CAST: variants seen among roughly 807,000 people sequenced by gnomAD.
The protein encoded by CAST is calpastatin.
In CAST, 76 loss-of-function variants were observed where a neutral mutation model predicts 119.6. The ratio of observed to expected loss-of-function variants is 0.64; its 90% CI spans 0.53 to 0.77. The LOEUF (loss-of-function observed/expected upper bound fraction) is 0.77. CAST is among the 30% of genes least tolerant of loss of function. The pLI, the probability that CAST is intolerant of heterozygous loss-of-function variation, is 0.00. For missense variants in CAST, 953 were observed against 946.5 expected (o/e 1.01, Z -0.09); for synonymous variants, 319 against 331.6 (o/e 0.96, Z 0.41).
At chr5:96,117,080 CTGGCTGCTGCTTTCCAA>C in the CAST span, among the ~76,000 whole-genome samples, 6 of 152,274 alleles carry the variant, frequency 3.9e-5, no homozygotes, top group Middle Eastern at 0.014. Flanking sequence ...GTGAGCAGCC[CTGGCTGCTGCTTTCCAA>C]TGGCTTCATT....
rs1191571063 is a variant in CAST at position 96,662,467 on chromosome 5, G to A, written c.45G>A (p.Arg15=). Reference sequence around the variant, plus strand: ...AGCCCGCCGCCTCCCCGCGGCCCCGGCGAGCAGCCGCCGCCCGCCGCACCC... The same window carrying A: ...AGCCCGCCGCCTCCCCGCGGCCCCGACGAGCAGCCGCCGCCCGCCGCACCC... ...GQKPAASPRP[R]RAAAARRTHE... Residue 15 remains arginine (R), a synonymous_variant, in exon 1 of 32, where the codon CGG becomes CGA. Coordinates refer to ENST00000675179, the MANE Select transcript of CAST (RefSeq NM_001750.7). 6 of 1,432,704 alleles carry A rather than the reference G, an allele frequency of 4.2e-6. No individual in the cohort carries two copies. The African/African-American group carries it at 8.9e-5, about 21-fold the overall frequency. 88.7% of individuals were successfully genotyped at this position (1,432,704 alleles called of 1,614,324 possible). A position where few individuals can be genotyped will look rare whatever the true frequency, so the allele number is the denominator to read the frequency against.
chr5:96,468,636 G>A, the CAST span, among the ~76,000 whole-genome samples: 1 of 152,068 alleles, frequency 6.6e-6, no homozygotes, highest in African/African-American at 2.4e-5. Flanking sequence ...AAATGCTGAA[G>A]ATTTCAAAAC....
At chr5:96,302,341 G>T in the CAST span, among the ~76,000 whole-genome samples, 2 of 152,122 alleles carry the variant, frequency 1.3e-5, no homozygotes, top group African/African-American at 2.4e-5. Flanking sequence ...GCTGCACAAA[G>T]GTCTCTGTAA....
At chr5:96,496,246 TACTC>T in the CAST span, among the ~76,000 whole-genome samples, 3 of 152,226 alleles carry the variant, frequency 2.0e-5, no homozygotes, top group African/African-American at 7.2e-5. Context: ...ATTTTGTTGT[TACTC>T]TATTATTTTC....
At chr5:96,497,553 C>G in the CAST span, among the ~76,000 whole-genome samples, 1 of 152,188 alleles carries the variant, frequency 6.6e-6, no homozygotes, top group East Asian at 1.9e-4. Flanking sequence ...GATTGCCATT[C>G]TAACTGGTGT....
chr5:96,114,858 G>A, the CAST span, among the ~76,000 whole-genome samples: 1 of 152,122 alleles, frequency 6.6e-6, no homozygotes, highest in Non-Finnish European at 1.5e-5. Flanking sequence ...GCTTTGCAAT[G>A]CTGTTTTCTC....
Position 96,754,155 on chromosome 5 carries a change from A to T in CAST, c.1620A>T (p.Lys540Asn), listed in dbSNP as rs148504138. Residue 540 changes from lysine (K) to asparagine (N), a missense_variant, in exon 21 of 32, where the codon AAA becomes AAT. Physicochemically the swap from Lys to Asn is moderately conservative, Grantham distance 94. Coordinates refer to ENST00000675179, the MANE Select transcript of CAST (RefSeq NM_001750.7). ...DPEDGKPVMD[K>N]VKEKAKEEDR... is the part of the protein sequence containing the mutation. ...AAGATGGAAAACCTGTGATGGATAAAGTCAAGGTAATGGCAACTGAGATGC... is the reference window on the plus strand; with the variant it reads ...AAGATGGAAAACCTGTGATGGATAATGTCAAGGTAATGGCAACTGAGATGC... The T allele has an allele frequency of 6.3e-7, 1 of 1,595,876 alleles. No homozygotes were observed. The highest frequency in any genetic ancestry group is 8.6e-7 in the Non-Finnish European group (1 of 1,163,294).
the CAST span, among the ~76,000 whole-genome samples, chr5:96,063,258 G>A: frequency 6.6e-6 from 1 of 152,090 alleles, no homozygotes; most frequent in Non-Finnish European, 1.5e-5. Context: ...TTAGCTGAAG[G>A]GACCCATTCA....
At chr5:96,294,394 G>A in the CAST span, among the ~76,000 whole-genome samples, 1 of 152,260 alleles carries the variant, frequency 6.6e-6, no homozygotes, top group Non-Finnish European at 1.5e-5. Context: ...TCTTTTCCTG[G>A]AATCCTATGA....
At chr5:96,160,916 A>C in the CAST span, among the ~76,000 whole-genome samples, 1 of 152,118 alleles carries the variant, frequency 6.6e-6, no homozygotes, top group Non-Finnish European at 1.5e-5. Context: ...TCTTTGGAGA[A>C]CTGCCTGTTA....
the CAST span, chr5:96,408,318 G>A: frequency 8.7e-6 from 14 of 1,613,004 alleles, no homozygotes; most frequent in South Asian, 1.1e-5. Context: ...GCAGGTCAGC[G>A]CTCGTCTGGA....
At chr5:96,400,857 G>T in the CAST span, among the ~76,000 whole-genome samples, 49,129 of 150,826 alleles carry the variant, frequency 0.33, 8,533 homozygotes, top group African/African-American at 0.48. Flanking sequence ...GGAGGCCGAG[G>T]CGGGCGGATC....
chr5:96,353,224 T>G, the CAST span, among the ~76,000 whole-genome samples: 4 of 152,172 alleles, frequency 2.6e-5, no homozygotes, highest in East Asian at 7.7e-4. Flanking sequence ...ATAACCATAC[T>G]TTTTAGATGG....
At chr5:95,997,975 T>G in the CAST span, among the ~76,000 whole-genome samples, 1 of 147,944 alleles carries the variant, frequency 6.8e-6, no homozygotes, top group African/African-American at 2.5e-5. Flanking sequence ...TTTTTTTTTT[T>G]TTTTTTTTTT....
At chr5:96,322,575 G>A in the CAST span, among the ~76,000 whole-genome samples, 1 of 152,122 alleles carries the variant, frequency 6.6e-6, no homozygotes, top group Non-Finnish European at 1.5e-5. Context: ...CATGCCATCT[G>A]AGACCCTTGG....
intron 10 of CAST, among the ~76,000 whole-genome samples, chr5:96,736,613 G>A (rs1458907597): frequency 6.6e-6 from 1 of 151,944 alleles, no homozygotes; most frequent in Non-Finnish European, 1.5e-5. Context: ...ACAGCCTTCA[G>A]ATTGTATTTC....
chr5:96,235,542 A>G, the CAST span, among the ~76,000 whole-genome samples: 39 of 152,134 alleles, frequency 2.6e-4, no homozygotes, highest in Non-Finnish European at 4.9e-4. Flanking sequence ...GCTGTCCTAG[A>G]TTTGGCTTCA....
the CAST span, among the ~76,000 whole-genome samples, chr5:96,107,983 A>G: frequency 6.6e-6 from 1 of 151,616 alleles, no homozygotes; most frequent in Non-Finnish European, 1.5e-5. Context: ...TTCATCTTCC[A>G]TTGCTGATAC....
the CAST span, chr5:96,432,898 T>C: frequency 1.2e-6 from 2 of 1,614,058 alleles, no homozygotes; most frequent in South Asian, 1.1e-5. Flanking sequence ...TCCTCGGCGA[T>C]GGCCGAGGCT....
Sources: gnomAD v4.1 joint callset for allele counts (sites outside exome capture counted in the v4.1 genomes callset) on GRCh38, gnomAD v4.1.1 for gene constraint, MANE v1.5 for transcripts, NCBI Gene and HGNC (gene_info 2026-07-23, HGNC 2026-07-21) for gene names.